Variants in KIF4A observed in about 807,000 individuals in gnomAD.
KIF4A encodes the protein chromosome-associated kinesin KIF4A.
KIF4A carries 7 observed loss-of-function variants against 105.9 expected under a neutral mutation model. The ratio of observed to expected loss-of-function variants is 0.07; its 90% CI spans 0.04 to 0.12. The LOEUF is 0.12. Ranked by LOEUF, KIF4A falls within the 10% of genes least tolerant of loss-of-function variation. The pLI is 1.00. For synonymous variants in KIF4A, 281 were observed against 331.3 expected, an observed-to-expected ratio of 0.85 and a Z score of 1.65; for missense variants, 558 against 929.2, an observed-to-expected ratio of 0.60 and a Z score of 5.19.
chrX:70,390,676 A>G (rs776243186), intron 20 of KIF4A, among the ~76,000 whole-genome samples: 3 of 111,578 alleles, frequency 2.7e-5, no homozygotes, highest in Non-Finnish European at 3.8e-5. Context: ...GTATAGTTCT[A>G]TGTGTTTTGA....
At chrX:70,339,958 A>G (rs2085966029) in intron 10 of KIF4A, among the ~76,000 whole-genome samples, 1 of 111,985 alleles carries the variant, frequency 8.9e-6, no homozygotes, top group Non-Finnish European at 1.9e-5. Flanking sequence ...GTCCTATAAT[A>G]TATCTATAAT....
intron 18 of KIF4A, among the ~76,000 whole-genome samples, chrX:70,382,672 A>T (rs2086201627): frequency 9.1e-6 from 1 of 110,482 alleles, no homozygotes; most frequent in South Asian, 3.9e-4. Context: ...AGTGAATATG[A>T]TCAGGCATGG....
chrX:70,343,820 A>C, intron 12 of KIF4A, 57 bp from the exon 13 acceptor site: 1 of 1,187,165 alleles, frequency 8.4e-7, no homozygotes, highest in Non-Finnish European at 1.1e-6. Flanking sequence ...ATAATCGTGG[A>C]GCCTCTGGCC....
chrX:70,321,278 ACAAT>A (rs2085889044), intron 7 of KIF4A, among the ~76,000 whole-genome samples: 1 of 112,150 alleles, frequency 8.9e-6, no homozygotes, highest in Non-Finnish European at 1.9e-5. Flanking sequence ...CCCCCAACAC[ACAAT>A]CAAACCATCT....
intron 15 of KIF4A, among the ~76,000 whole-genome samples, chrX:70,368,564 G>A (rs910824260): frequency 8.9e-6 from 1 of 112,058 alleles, no homozygotes; most frequent in Admixed American, 9.5e-5. Flanking sequence ...CAGATCAGGG[G>A]ATATTGGTGG....
chrX:70,304,248 G>GTCCC (rs1460609862), intron 7 of KIF4A, among the ~76,000 whole-genome samples: 4 of 103,857 alleles, frequency 3.9e-5, no homozygotes. Flanking sequence ...TTTCATCCAT[G>GTCCC]TCCCTACAAA....
At chrX:70,394,332 T>C (rs1013895775) in intron 20 of KIF4A, among the ~76,000 whole-genome samples, 4 of 110,039 alleles carry the variant, frequency 3.6e-5, no homozygotes, top group African/African-American at 1.3e-4. Flanking sequence ...GTCTCCCGAC[T>C]AGCTGAGACT....
intron 18 of KIF4A, among the ~76,000 whole-genome samples, chrX:70,379,166 AAAAAAAGAAAAG>A (rs2086187081): frequency 9.0e-6 from 1 of 110,810 alleles, no homozygotes; most frequent in Non-Finnish European, 1.9e-5. Flanking sequence ...CCATCTCAAA[AAAAAAAGAAAAG>A]AAAAAAGAAA....
rs776667669 is a variant in KIF4A, at chrX:70,418,196, A to G, written c.3372+192A>G. Among the ~76,000 whole-genome samples, 5 of 111,247 alleles carry G rather than the reference A, an allele frequency of 4.5e-5. No homozygotes were observed. In the East Asian group the frequency reaches 1.1e-3, roughly 25 times the overall value. On this transcript the variant is annotated intron_variant, in intron 29 of 30. Coordinates refer to ENST00000374403, the MANE Select transcript of KIF4A (RefSeq NM_012310.5). ...TTCCTTGCTGCTTGCCTGTTCACAT[A>G]CCCCTTTCAGAAACCACAGCACTTC... is the stretch of plus-strand genomic sequence containing the variant.
At chrX:70,404,575 C>T in intron 24 of KIF4A, 140 bp from the exon 25 acceptor site, 1 of 431,576 alleles carries the variant, frequency 2.3e-6, no homozygotes. Context: ...CTTACTACTT[C>T]ATGCCATGAC....
chrX:70,407,958 T>G (rs2086307055), intron 28 of KIF4A, among the ~76,000 whole-genome samples: 1 of 109,971 alleles, frequency 9.1e-6, no homozygotes, highest in South Asian at 4.0e-4. Flanking sequence ...TCCCAGCTAC[T>G]CAGGAGGCTG....
Position 70,404,709 on chromosome X carries a change from C to T in KIF4A, c.2791-6C>T. The T allele has an allele frequency of 8.4e-7, 1 of 1,188,178 alleles. No homozygotes were observed. Among genetic ancestry groups the T allele is most frequent in the Non-Finnish European group, 1.1e-6 (1 of 878,640 alleles). On this transcript the variant is annotated splice_region_variant and splice_polypyrimidine_tract_variant and intron_variant, in intron 24 of 30. Coordinates refer to ENST00000374403, the MANE Select transcript of KIF4A (RefSeq NM_012310.5). ...TTACCACCCATTGGATCGTGTCTTTCTCTAGGTGCTGTACCTTCTCAGCCA... is the reference window on the plus strand; with the variant it reads ...TTACCACCCATTGGATCGTGTCTTTTTCTAGGTGCTGTACCTTCTCAGCCA...
At chrX:70,322,097 A>T (rs1336962171) in intron 7 of KIF4A, among the ~76,000 whole-genome samples, 2 of 108,763 alleles carry the variant, frequency 1.8e-5, no homozygotes, top group East Asian at 5.9e-4. Context: ...TCCCCCCCCA[A>T]AGTGGTTTCA....
At position 70,397,471 on chromosome X, in the gene KIF4A, A is replaced by AG. The variant is rs751984078; in HGVS notation, c.2489+1424dup. On this transcript the variant is annotated intron_variant, in intron 22 of 30. Coordinates refer to ENST00000374403, the MANE Select transcript of KIF4A (RefSeq NM_012310.5). Reference sequence around the variant, plus strand: ...AAGAAGGAATAGAAGTGCTCAGTGAAGGCCGCACTTTCTCAGGACCTCTTG... The same window carrying AG: ...AAGAAGGAATAGAAGTGCTCAGTGAAGGGCCGCACTTTCTCAGGACCTCTTG... Among the ~76,000 whole-genome samples the AG allele has an allele frequency of 3.3e-3, 375 of 112,220 alleles. 1 individual carries two copies. The highest frequency in any genetic ancestry group is 5.9e-3 in the Non-Finnish European group (315 of 53,247).
intron 7 of KIF4A, among the ~76,000 whole-genome samples, chrX:70,313,222 G>A (rs185550987): frequency 4.5e-5 from 5 of 111,268 alleles, no homozygotes; most frequent in Non-Finnish European, 7.5e-5. Flanking sequence ...CATGACATAC[G>A]TCTTCTTAGA....
intron 7 of KIF4A, among the ~76,000 whole-genome samples, chrX:70,322,839 C>G (rs777144402): frequency 2.7e-5 from 3 of 109,155 alleles, no homozygotes; most frequent in African/African-American, 1.0e-4. Context: ...ATGTCAGGCC[C>G]TCATCATTTT....
At chrX:70,366,719 AT>A (rs1332946223) in intron 15 of KIF4A, among the ~76,000 whole-genome samples, 1 of 111,780 alleles carries the variant, frequency 8.9e-6, no homozygotes, top group African/African-American at 3.3e-5. Flanking sequence ...AAAAGAATGT[AT>A]ATTCTGTTGA....
intron 7 of KIF4A, among the ~76,000 whole-genome samples, chrX:70,322,830 T>C (rs1241125063): frequency 1.8e-5 from 2 of 109,262 alleles, no homozygotes; most frequent in South Asian, 8.3e-4. Flanking sequence ...CACTATCTTA[T>C]GTCAGGCCCT....
intron 7 of KIF4A, among the ~76,000 whole-genome samples, chrX:70,313,418 T>G (rs2085857908): frequency 1.8e-5 from 2 of 111,419 alleles, no homozygotes; most frequent in Non-Finnish European, 3.8e-5. Flanking sequence ...TTTATTAAAC[T>G]GCTTAGGGAT....
Sources: gnomAD v4.1 joint callset for allele counts (sites outside exome capture counted in the v4.1 genomes callset) on GRCh38, gnomAD v4.1.1 for gene constraint, MANE v1.5 for transcripts, NCBI Gene and HGNC (gene_info 2026-07-23, HGNC 2026-07-21) for gene names.